The following KLHL22 variants were observed in gnomAD, a reference collection of about 807,000 sequenced individuals.
The protein encoded by KLHL22 is kelch like family member 22, also known as kelch-like protein 22.
KLHL22 carries 18 observed loss-of-function variants against 60.7 expected under a neutral mutation model. The observed-to-expected ratio is 0.30, with a 90% CI of 0.20 to 0.44. The LOEUF is 0.44. Ranked by LOEUF, KLHL22 falls within the 20% of genes least tolerant of loss-of-function variation. The pLI is 1.00. For missense variants in KLHL22, 596 were observed against 852.3 expected (o/e 0.70, Z 3.74); for synonymous variants, 355 against 354.5 (o/e 1.00, Z -0.01).
At chr22:20,461,550 CAAAAAAAAAAAAAA>C (rs362095) in intron 4 of KLHL22, among the ~76,000 whole-genome samples, 13 of 64,770 alleles carry the variant, frequency 2.0e-4, no homozygotes, top group African/African-American at 8.7e-4. Context: ...GACTCCAACT[CAAAAAAAAAAAAAA>C]AAAAAAAAAA....
At position 20,495,567 on chromosome 22, in the gene KLHL22, C is replaced by T. The variant is rs1404023622; in HGVS notation, c.-34+193G>A. Reference sequence around the variant, plus strand: ...TACGCGCCCGCGCCCGGGGATCCCGCCGGCCGCGTCCCCGCCACGTCAGGC... The same window carrying T: ...TACGCGCCCGCGCCCGGGGATCCCGTCGGCCGCGTCCCCGCCACGTCAGGC... On this transcript the variant is annotated intron_variant, in intron 1 of 6. Transcript: ENST00000328879. This position sits in a 1 kb window ranked among gnomAD's most constrained non-coding sequence, Gnocchi z 4.6. Among the ~76,000 whole-genome samples, 1 of 150,506 alleles carries T rather than the reference C, an allele frequency of 6.6e-6. No individual in the cohort carries two copies. Among genetic ancestry groups the T allele is most frequent in the African/African-American group, 2.4e-5 (1 of 41,214 alleles).
At chr22:20,447,097 C>A (rs1381718039) in intron 5 of KLHL22, among the ~76,000 whole-genome samples, 1 of 152,208 alleles carries the variant, frequency 6.6e-6, no homozygotes, top group South Asian at 2.1e-4. Flanking sequence ...GGCCTGCTGA[C>A]CCTGCTTTTA....
chr22:20,458,243 C>T (rs1283202791), intron 4 of KLHL22, among the ~76,000 whole-genome samples: 1 of 151,054 alleles, frequency 6.6e-6, no homozygotes, highest in Non-Finnish European at 1.5e-5. Context: ...GTGTTTCCAC[C>T]TAACTGTCCA....
At chr22:20,463,785 A>G (rs998246741) in intron 4 of KLHL22, among the ~76,000 whole-genome samples, 2 of 152,186 alleles carry the variant, frequency 1.3e-5, no homozygotes, top group African/African-American at 4.8e-5. Flanking sequence ...GAGTCTCATC[A>G]GCTTAACAAA....
At chr22:20,463,085 A>C in intron 4 of KLHL22, among the ~76,000 whole-genome samples, 1 of 152,224 alleles carries the variant, frequency 6.6e-6, no homozygotes, top group Non-Finnish European at 1.5e-5. Context: ...TTCATCTGGA[A>C]GTTTTGAGTC....
chr22:20,464,959 G>A lies in KLHL22; in HGVS notation c.1011C>T (p.Pro337=), dbSNP rs1393247264. 1.2e-6 allele frequency: 2 copies of A among 1,608,010 alleles called. No individual in the cohort carries two copies. The highest frequency in any genetic ancestry group is 1.7e-6 in the Non-Finnish European group (2 of 1,177,048). Reference sequence around the variant, plus strand: ...CCGCGATGCCCTGGTTGGACATGCGGGGGGCCAGGGAGGCAGTGAAGTGCT... The same window carrying A: ...CCGCGATGCCCTGGTTGGACATGCGAGGGGCCAGGGAGGCAGTGAAGTGCT... The part of the protein sequence containing the change: ...EWKHFTASLA[P]RMSNQGIAVL... The change falls in exon 4 of 7, where the codon CCC becomes CCT. Residue 337 remains proline, a synonymous_variant. Transcript: ENST00000328879.
chr22:20,452,583 A>G (rs375861150), intron 5 of KLHL22, among the ~76,000 whole-genome samples: 9 of 152,360 alleles, frequency 5.9e-5, no homozygotes, highest in East Asian at 3.9e-4. Flanking sequence ...ACAGCATAAA[A>G]GAGTGAACCA....
At chr22:20,450,323 A>C (rs2052955902) in intron 5 of KLHL22, 1 of 1,228,612 alleles carries the variant, frequency 8.1e-7, no homozygotes, top group Non-Finnish European at 1.2e-6. Context: ...ACCTTTATAG[A>C]AGGGGAAACC....
intron 5 of KLHL22, chr22:20,450,104 C>A (rs1309177622): frequency 9.1e-5 from 70 of 769,346 alleles, no homozygotes; most frequent in Middle Eastern, 2.5e-4. Context: ...TATTTTTGTT[C>A]TTTCTCCGCA....
intron 4 of KLHL22, among the ~76,000 whole-genome samples, chr22:20,461,542 C>G (rs1320420814): frequency 1.2e-5 from 1 of 82,400 alleles, no homozygotes; most frequent in Non-Finnish European, 2.1e-5. Flanking sequence ...GACAGAGAGA[C>G]TCCAACTCAA....
In KLHL22 at chr22:20,441,999, C is replaced by T. The variant is rs2052765520; in HGVS notation, c.*74G>A. ...GGGGCCCTGCCTGGAGTAAAGTGCT[C>T]TGGCCTAGGCTGCGTGGGTTTCACT... On this transcript the variant is annotated 3_prime_UTR_variant, in exon 7 of 7. Coordinates refer to ENST00000328879, the MANE Select transcript of KLHL22 (RefSeq NM_032775.4). The T allele has an allele frequency of 7.0e-7, 1 of 1,429,668 alleles. No homozygotes were observed. Among genetic ancestry groups the T allele is most frequent in the Non-Finnish European group, 9.2e-7 (1 of 1,081,522 alleles). 88.6% of individuals were successfully genotyped at this position (1,429,668 alleles called of 1,614,324 possible).
At chr22:20,494,427 C>T (rs1426455988) in intron 1 of KLHL22, among the ~76,000 whole-genome samples, 2 of 151,960 alleles carry the variant, frequency 1.3e-5, no homozygotes, top group Non-Finnish European at 2.9e-5. Flanking sequence ...ATGGTGTAGG[C>T]TAGAGTGCAG....
chr22:20,493,743 AAAACAAAAAAAC>A (rs1170388051), intron 1 of KLHL22, among the ~76,000 whole-genome samples: 8 of 152,292 alleles, frequency 5.3e-5, no homozygotes, highest in South Asian at 4.1e-4. Flanking sequence ...CTCCGTCTCA[AAAACAAAAAAAC>A]AAACAAAAAA....
intron 5 of KLHL22, among the ~76,000 whole-genome samples, chr22:20,454,838 T>G (rs2053037556): frequency 6.6e-6 from 1 of 152,162 alleles, no homozygotes; most frequent in Non-Finnish European, 1.5e-5. Flanking sequence ...TCATCGGCTT[T>G]TTGTAATATT....
At chr22:20,483,973 A>C in intron 2 of KLHL22, 1 of 693,648 alleles carries the variant, frequency 1.4e-6, no homozygotes, top group Admixed American at 1.9e-5. Flanking sequence ...ACGAAGATCC[A>C]GGAACCAGAG....
At chr22:20,466,872 G>A (rs900400811) in intron 3 of KLHL22, among the ~76,000 whole-genome samples, 3 of 152,166 alleles carry the variant, frequency 2.0e-5, no homozygotes, top group African/African-American at 4.8e-5. Context: ...CAGCCATGGG[G>A]AAGCACTAGT....
intron 1 of KLHL22, among the ~76,000 whole-genome samples, chr22:20,492,926 C>T (rs557660668): frequency 2.0e-5 from 3 of 152,168 alleles, no homozygotes; most frequent in African/African-American, 7.2e-5. Context: ...AAGGAGATTC[C>T]GGCTTCTTGA....
intron 6 of KLHL22, among the ~76,000 whole-genome samples, chr22:20,443,786 G>A (rs1416260737): frequency 3.9e-5 from 6 of 151,938 alleles, no homozygotes; most frequent in Admixed American, 1.3e-4. Flanking sequence ...GGTGGCTCAC[G>A]CCTGTAATCC....
intron 4 of KLHL22, among the ~76,000 whole-genome samples, chr22:20,460,032 G>A (rs537649556): frequency 6.6e-5 from 10 of 152,040 alleles, no homozygotes; most frequent in African/African-American, 2.4e-4. Context: ...CCAGAAGAAG[G>A]TCTGGCAGGG....
Sources: allele counts gnomAD v4.1 joint callset (sites outside exome capture counted in the v4.1 genomes callset), GRCh38; gene constraint gnomAD v4.1.1; non-coding constraint Gnocchi (gnomAD v3.1); transcripts MANE v1.5; gene names NCBI Gene and HGNC (gene_info 2026-07-23, HGNC 2026-07-21).